The following VTI1A variants were observed in gnomAD, a reference collection of about 807,000 sequenced individuals.
VTI1A encodes the protein vesicle transport through interaction with t-SNAREs homolog 1A.
In VTI1A, 22 loss-of-function variants were observed where a neutral mutation model predicts 34.9. The ratio of observed to expected loss-of-function variants is 0.63; its 90% CI spans 0.45 to 0.90. The LOEUF is 0.90. Among genes scored for constraint, VTI1A ranks in the 40% least tolerant of loss-of-function variants. The pLI, the probability that VTI1A is intolerant of heterozygous loss-of-function variation, is 0.00. For synonymous variants in VTI1A, 87 were observed against 97.3 expected (o/e 0.89, Z 0.62); for missense variants, 268 against 275.6 (o/e 0.97, Z 0.20).
chr10:112,727,883 A>T (rs1308963025), intron 7 of VTI1A, among the ~76,000 whole-genome samples: 2 of 152,006 alleles, frequency 1.3e-5, no homozygotes, highest in Non-Finnish European at 2.9e-5. Flanking sequence ...CTGTTCTTTG[A>T]AAATCTTGCC....
chr10:112,667,326 T>C (rs1469847765), intron 5 of VTI1A, among the ~76,000 whole-genome samples: 1 of 152,114 alleles, frequency 6.6e-6, no homozygotes, highest in East Asian at 1.9e-4. Flanking sequence ...CCTTCTAGTA[T>C]GGAGTAAGGC....
chr10:112,531,061 C>CCACACACA (rs748909123), intron 4 of VTI1A, among the ~76,000 whole-genome samples: 1,701 of 90,262 alleles, frequency 0.019, 20 homozygotes, highest in Admixed American at 0.053. Context: ...ACGTGACACA[C>CCACACACA]CTCACACACA....
intron 3 of VTI1A, among the ~76,000 whole-genome samples, chr10:112,466,929 T>G (rs1176828323): frequency 2.6e-5 from 4 of 152,176 alleles, no homozygotes; most frequent in African/African-American, 9.7e-5. Context: ...TCATATGTCT[T>G]CCCTCTTCAC....
In VTI1A at chr10:112,484,526, C is replaced by A. The variant is rs113963777; in HGVS notation, c.264+19869C>A. Among the ~76,000 whole-genome samples, 394 of 152,246 alleles carry A rather than the reference C, an allele frequency of 2.6e-3. 2 individuals are homozygous for A. The highest frequency in any genetic ancestry group is 7.6e-3 in the African/African-American group (314 of 41,552). On this transcript the variant is annotated intron_variant, in intron 3 of 7. Transcript: ENST00000393077. The stretch of plus-strand genomic sequence containing the variant: ...ATAGATTTTCTTTACTTTCCATTCA[C>A]CTTGACACTTATATTTGTAACCTGT...
At chr10:112,802,264 G>A (rs947266292) in intron 7 of VTI1A, among the ~76,000 whole-genome samples, 2 of 152,114 alleles carry the variant, frequency 1.3e-5, no homozygotes, top group Admixed American at 1.3e-4. Flanking sequence ...AAATAAGTTT[G>A]TGTACTCAAT....
At chr10:112,789,543 C>A (rs1852394480) in intron 7 of VTI1A, among the ~76,000 whole-genome samples, 1 of 152,114 alleles carries the variant, frequency 6.6e-6, no homozygotes, top group Admixed American at 6.6e-5. Context: ...TCTTGGATTC[C>A]CATTACACAT....
chr10:112,750,774 C>G, intron 7 of VTI1A, among the ~76,000 whole-genome samples: 1 of 152,164 alleles, frequency 6.6e-6, no homozygotes, highest in East Asian at 1.9e-4. Context: ...ACTAAGTCTC[C>G]TGTAGAATGG....
At chr10:112,827,462 ATTCAGGCATTAGT>A in the VTI1A span, 1 of 152,128 alleles carries the variant, frequency 6.6e-6, no homozygotes, top group Non-Finnish European at 1.5e-5. Context: ...CCTACATCTC[ATTCAGGCATTAGT>A]TTCAAGTTCC....
chr10:112,712,236 A>T lies in VTI1A; in HGVS notation c.560+43238A>T, dbSNP rs140277814. Reference sequence around the variant, plus strand: ...GGTGTCACACTCTGCAGGCATGGCCACAGAGTAACCTAAAATTTACTCTTG... The same window carrying T: ...GGTGTCACACTCTGCAGGCATGGCCTCAGAGTAACCTAAAATTTACTCTTG... On this transcript the variant is annotated intron_variant, in intron 7 of 7. Coordinates refer to ENST00000393077, the MANE Select transcript of VTI1A (RefSeq NM_145206.4). Among the ~76,000 whole-genome samples, 1,430 of 152,282 alleles carry T rather than the reference A, an allele frequency of 9.4e-3. 8 individuals are homozygous for T. Among genetic ancestry groups the T allele is most frequent in the Middle Eastern group, 0.017 (5 of 294 alleles).
At chr10:112,661,142 G>A (rs185284914) in intron 5 of VTI1A, among the ~76,000 whole-genome samples, 9 of 152,200 alleles carry the variant, frequency 5.9e-5, no homozygotes, top group East Asian at 3.9e-4. Context: ...CACCACACAC[G>A]GCTAAGTTTT....
intron 7 of VTI1A, among the ~76,000 whole-genome samples, chr10:112,800,672 C>T (rs969231869): frequency 1.3e-5 from 2 of 152,148 alleles, no homozygotes; most frequent in Admixed American, 6.5e-5. Flanking sequence ...TTCTTTGGAG[C>T]GTGCCAATTC....
intron 7 of VTI1A, among the ~76,000 whole-genome samples, chr10:112,730,720 T>C (rs1850221943): frequency 6.6e-6 from 1 of 152,094 alleles, no homozygotes. Flanking sequence ...TCAACCACCG[T>C]ATAATAAATC....
At chr10:112,789,702 A>G (rs1236264690) in intron 7 of VTI1A, among the ~76,000 whole-genome samples, 2 of 152,046 alleles carry the variant, frequency 1.3e-5, no homozygotes, top group African/African-American at 2.4e-5. Context: ...CATTTACTGT[A>G]TATTCAACTG....
chr10:112,557,207 A>G (rs1436593902), intron 5 of VTI1A, among the ~76,000 whole-genome samples: 1 of 152,088 alleles, frequency 6.6e-6, no homozygotes, highest in Non-Finnish European at 1.5e-5. Context: ...GATAATTAAA[A>G]TTTGTCAACA....
chr10:112,623,516 C>T (rs1845809020), intron 5 of VTI1A, among the ~76,000 whole-genome samples: 2 of 151,298 alleles, frequency 1.3e-5, no homozygotes, highest in African/African-American at 4.9e-5. Context: ...TTATCCTCAG[C>T]CTGCTGGCTG....
chr10:112,798,741 C>T (rs1271390371), intron 7 of VTI1A, among the ~76,000 whole-genome samples: 2 of 152,168 alleles, frequency 1.3e-5, no homozygotes. Flanking sequence ...TAAACTGAGG[C>T]ACTATTTGTT....
intron 5 of VTI1A, among the ~76,000 whole-genome samples, chr10:112,546,905 T>C (rs2134283197): frequency 6.6e-6 from 1 of 152,344 alleles, no homozygotes; most frequent in East Asian, 1.9e-4. Context: ...TTCTTTTCTA[T>C]GAAGGCTATC....
intron 7 of VTI1A, among the ~76,000 whole-genome samples, chr10:112,813,142 G>A (rs1432616385): frequency 2.0e-5 from 3 of 152,240 alleles, no homozygotes; most frequent in African/African-American, 7.2e-5. Context: ...AGCGGGCGGT[G>A]GAGGGGAAGC....
intron 3 of VTI1A, among the ~76,000 whole-genome samples, chr10:112,507,019 A>G (rs1458371846): frequency 6.6e-6 from 1 of 151,608 alleles, no homozygotes; most frequent in Non-Finnish European, 1.5e-5. Flanking sequence ...ATGTAAAAGT[A>G]CTGTAGAGAA....
Sources: allele counts gnomAD v4.1 joint callset (sites outside exome capture counted in the v4.1 genomes callset), GRCh38; gene constraint gnomAD v4.1.1; transcripts MANE v1.5; gene names NCBI Gene and HGNC (gene_info 2026-07-23, HGNC 2026-07-21).